Variants in CNIH3 observed in about 807,000 individuals in gnomAD.
CNIH3 encodes protein cornichon homolog 3.
A neutral mutation model predicts 24.1 loss-of-function variants in CNIH3; 14 were observed. That is an observed-to-expected ratio of 0.58 (90% CI 0.38 to 0.91). The LOEUF is 0.91. Among genes scored for constraint, CNIH3 ranks in the 40% least tolerant of loss-of-function variants. CNIH3 has a pLI of 0.00. For synonymous variants in CNIH3, 68 were observed against 73.8 expected (o/e 0.92, Z 0.40); for missense variants, 178 against 196.8 (o/e 0.90, Z 0.57).
At chr1:224,571,581 C>T (rs1680818884) in intron 4 of CNIH3, among the ~76,000 whole-genome samples, 2 of 151,970 alleles carry the variant, frequency 1.3e-5, no homozygotes, top group African/African-American at 4.8e-5. Flanking sequence ...AAAAATTAAC[C>T]GGGCATGGTG....
intron 4 of CNIH3, among the ~76,000 whole-genome samples, chr1:224,570,655 C>T (rs903942889): frequency 2.6e-5 from 4 of 152,130 alleles, no homozygotes; most frequent in Non-Finnish European, 5.9e-5. Flanking sequence ...CTAACAGTTT[C>T]TTTTGGTGAA....
intron 1 of CNIH3, among the ~76,000 whole-genome samples, chr1:224,505,218 G>A (rs1677858069): frequency 6.6e-6 from 1 of 151,558 alleles, no homozygotes; most frequent in Non-Finnish European, 1.5e-5. Context: ...AGGATTGTTT[G>A]AGCCCGGGAA....
chr1:224,435,912 AC>A (rs1300193610), intron 1 of CNIH3: 1 of 152,226 alleles, frequency 6.6e-6, no homozygotes, highest in African/African-American at 2.4e-5. Flanking sequence ...GGGAAAAAAA[AC>A]ACCTTAGTTT....
chr1:224,460,711 TTG>T (rs1402132353), intron 1 of CNIH3, among the ~76,000 whole-genome samples: 17 of 152,124 alleles, frequency 1.1e-4, no homozygotes, highest in Admixed American at 1.1e-3. Flanking sequence ...GTATGTGCCT[TTG>T]TGTTATTCTT....
chr1:224,584,426 G>GT (rs2125018423), intron 5 of CNIH3, among the ~76,000 whole-genome samples: 1 of 152,294 alleles, frequency 6.6e-6, no homozygotes, highest in South Asian at 2.1e-4. Flanking sequence ...TTTAAGTTTT[G>GT]TTTGGGGGCT....
intron 2 of CNIH3, among the ~76,000 whole-genome samples, chr1:224,545,583 AG>A (rs1450057408): frequency 6.6e-6 from 1 of 152,160 alleles, no homozygotes; most frequent in African/African-American, 2.4e-5. Flanking sequence ...TTGGAAGACT[AG>A]GTGCCATAGG....
At chr1:224,717,691 G>A (rs936745932) in intron 3 of CNIH3, 1 of 152,252 alleles carries the variant, frequency 6.6e-6, no homozygotes, top group Non-Finnish European at 1.5e-5. Context: ...CCAGGGCATT[G>A]GGTGCTCAAA....
chr1:224,558,720 C>A (rs1680242953), intron 3 of CNIH3, among the ~76,000 whole-genome samples: 3 of 152,154 alleles, frequency 2.0e-5, no homozygotes, highest in Admixed American at 2.0e-4. Context: ...GGGGCACATG[C>A]ACTGGGTTGG....
intron 1 of CNIH3, among the ~76,000 whole-genome samples, chr1:224,508,926 T>C (rs712065): frequency 0.19 from 29,558 of 152,134 alleles, 2,950 homozygotes; most frequent in South Asian, 0.25. Context: ...GGTTTAGTAG[T>C]AGAACTAGGC....
chr1:224,612,927 C>G (rs1036124244), upstream of CNIH3, among the ~76,000 whole-genome samples: 1 of 152,176 alleles, frequency 6.6e-6, no homozygotes, highest in African/African-American at 2.4e-5. This position sits in a 1 kb window ranked among gnomAD's most constrained non-coding sequence, Gnocchi z 4.7. Flanking sequence ...GAAAGAAATA[C>G]ACCAGGATTG....
At chr1:224,565,384 A>C (rs1680538698) in intron 3 of CNIH3, 2 of 152,270 alleles carry the variant, frequency 1.3e-5, no homozygotes, top group Non-Finnish European at 2.9e-5. Flanking sequence ...TGTATGAGTC[A>C]GGAGTTCTGC....
intron 1 of CNIH3, among the ~76,000 whole-genome samples, chr1:224,478,750 C>G (rs1368900287): frequency 2.0e-5 from 3 of 152,104 alleles, no homozygotes; most frequent in Non-Finnish European, 2.9e-5. Context: ...AAAGACATAC[C>G]TAAGACTGGG....
intron 1 of CNIH3, among the ~76,000 whole-genome samples, chr1:224,516,610 G>A (rs757670200): frequency 6.6e-6 from 1 of 152,256 alleles, no homozygotes; most frequent in Non-Finnish European, 1.5e-5. Context: ...CCTTTGCAAA[G>A]CCTCTGCATG....
At chr1:224,457,762 C>A (rs915430901) in intron 1 of CNIH3, among the ~76,000 whole-genome samples, 1 of 152,162 alleles carries the variant, frequency 6.6e-6, no homozygotes, top group African/African-American at 2.4e-5. Context: ...TCACTTTTAT[C>A]ATTTTTAGTT....
At chr1:224,662,805 G>A (rs1046441345) in intron 1 of CNIH3, among the ~76,000 whole-genome samples, 1 of 152,210 alleles carries the variant, frequency 6.6e-6, no homozygotes, top group African/African-American at 2.4e-5. Flanking sequence ...CCATGAGATA[G>A]TAGTGCAAAC....
At chr1:224,537,811 T>C (rs1345648639), downstream of CNIH3, among the ~76,000 whole-genome samples, 2 of 152,228 alleles carry the variant, frequency 1.3e-5, no homozygotes. Context: ...AGACGCTGGA[T>C]TAATTTCAGC....
chr1:224,607,117 G>T (rs1255105406), intron 3 of CNIH3, among the ~76,000 whole-genome samples: 1 of 152,218 alleles, frequency 6.6e-6, no homozygotes, highest in Non-Finnish European at 1.5e-5. Flanking sequence ...GTATACAAGG[G>T]CATGCAAAGC....
rs569710597 is a variant in CNIH3 at position 224,491,039 on chromosome 1, A to G, written n.204-24702A>G. ...TTGGCCAAGACTCAGCTATTGTTAC[A>G]GGCGCATACTCCTAAGTTAGGTTCT... On this transcript the variant is annotated intron_variant and non_coding_transcript_variant, in intron 1 of 5. Transcript: ENST00000471578. Among the ~76,000 whole-genome samples the G allele has an allele frequency of 5.9e-5, 9 of 152,352 alleles. 1 individual carries two copies. Among genetic ancestry groups the G allele is most frequent in the Non-Finnish European group, 1.3e-4 (9 of 68,038 alleles).
chr1:224,616,463 C>T lies in CNIH3; in HGVS notation c.-712C>T. On this transcript the variant is annotated 5_prime_UTR_variant, in exon 1 of 6. Coordinates refer to ENST00000272133, the MANE Select transcript of CNIH3 (RefSeq NM_152495.2). ...GCCAGTGCTCGCCCCGGTCCGACCC[C>T]CGGTTTCCGGGACACTTGGGTTGCG... 8 of 988,406 alleles carry T rather than the reference C, an allele frequency of 8.1e-6. 1 individual carries two copies. In the South Asian group the frequency reaches 3.6e-4, roughly 44 times the overall value. The allele number at this position is 988,406 out of a possible 1,614,324, so 61.2% of individuals were successfully genotyped here. A position where few individuals can be genotyped will look rare whatever the true frequency, so the allele number is the denominator to read the frequency against.
Sources: allele counts gnomAD v4.1 joint callset (sites outside exome capture counted in the v4.1 genomes callset), GRCh38; gene constraint gnomAD v4.1.1; non-coding constraint Gnocchi (gnomAD v3.1); transcripts MANE v1.5; gene names NCBI Gene and HGNC (gene_info 2026-07-23, HGNC 2026-07-21).